The following RYR2 variants were observed in gnomAD, a reference collection of about 807,000 sequenced individuals.
RYR2 encodes cardiac muscle ryanodine receptor-calcium release channel.
Under a neutral mutation model 601.1 loss-of-function variants are expected in RYR2, and 227 were observed. The ratio of observed to expected loss-of-function variants is 0.38; its 90% CI spans 0.34 to 0.42. The LOEUF is 0.42. Among genes scored for constraint, RYR2 ranks in the 10% least tolerant of loss-of-function variants. The pLI, the probability that RYR2 is intolerant of heterozygous loss-of-function variation, is 1.00. For synonymous variants in RYR2, 2,223 were observed against 2,175.1 expected, an observed-to-expected ratio of 1.02 and a Z score of -0.61; for missense variants, 4,646 against 6,156.5, an observed-to-expected ratio of 0.75 and a Z score of 8.21.
chr1:237,731,960 C>A, intron 77 of RYR2, 86 bp from the exon 78 acceptor site: 2 of 767,790 alleles, frequency 2.6e-6, no homozygotes, highest in African/African-American at 1.7e-5. Flanking sequence ...TCCTTTTATT[C>A]TTCATTGCTG....
intron 13 of RYR2, among the ~76,000 whole-genome samples, chr1:237,443,263 A>T (rs111237770): frequency 6.6e-6 from 1 of 150,700 alleles, no homozygotes; most frequent in Non-Finnish European, 1.5e-5. Context: ...CTGTTCTTTC[A>T]TCTGGTCTGC....
rs185653195 is a variant in RYR2 at position 237,392,009 on chromosome 1, T to C, written c.773+3826T>C. Among the ~76,000 whole-genome samples, 5 of 152,260 alleles carry C rather than the reference T, an allele frequency of 3.3e-5. No individual in the cohort carries two copies. The East Asian group carries it at 9.6e-4, about 29-fold the overall frequency. ...GAAAGACAAATCGCTCTAAAATGAC[T>C]AGTAGACAACTTGTCTAAACAACAA... On this transcript the variant is annotated intron_variant, in intron 10 of 104. Transcript: ENST00000366574.
At chr1:237,653,270 A>G (rs1194119388) in intron 51 of RYR2, among the ~76,000 whole-genome samples, 1 of 152,208 alleles carries the variant, frequency 6.6e-6, no homozygotes, top group Non-Finnish European at 1.5e-5. Context: ...CACTTGGAGA[A>G]GTAAGTTTTG....
At chr1:237,709,447 C>T (rs1047576283) in intron 69 of RYR2, 33 bp from the exon 70 acceptor site, 1 of 1,373,264 alleles carries the variant, frequency 7.3e-7, no homozygotes, top group African/African-American at 1.4e-5. Context: ...TAAGGAGTAG[C>T]TGAGAAACCA....
chr1:237,774,280 G>A (rs563995620), intron 87 of RYR2, among the ~76,000 whole-genome samples: 6 of 152,060 alleles, frequency 3.9e-5, no homozygotes, highest in South Asian at 4.2e-4. Flanking sequence ...TATGTTTGAC[G>A]TGCCCCATGC....
chr1:237,242,595 T>C (rs1326910657), intron 1 of RYR2, among the ~76,000 whole-genome samples: 1 of 152,150 alleles, frequency 6.6e-6, no homozygotes, highest in Non-Finnish European at 1.5e-5. Context: ...GGTTTAATAC[T>C]CAGGACGTGA....
intron 1 of RYR2, among the ~76,000 whole-genome samples, chr1:237,130,359 A>C (rs1672028206): frequency 6.6e-6 from 1 of 152,196 alleles, no homozygotes; most frequent in African/African-American, 2.4e-5. Flanking sequence ...TAACTAGGAA[A>C]AGAGTGAACT....
chr1:237,713,420 G>T (rs572550803), intron 71 of RYR2, among the ~76,000 whole-genome samples: 1 of 151,832 alleles, frequency 6.6e-6, no homozygotes, highest in Non-Finnish European at 1.5e-5. Context: ...TTTTTGAGAC[G>T]GAGCCTTGCT....
chr1:237,128,057 G>GAGCC (rs1306791799), intron 1 of RYR2, among the ~76,000 whole-genome samples: 1 of 152,170 alleles, frequency 6.6e-6, no homozygotes, highest in Non-Finnish European at 1.5e-5. Flanking sequence ...AGGTTGTAGC[G>GAGCC]AGCCGAGATC....
rs998625501 is a variant in RYR2, at chr1:237,411,016, A to G, written c.774-6033A>G. 4.6e-5 allele frequency among the ~76,000 whole-genome samples: 7 copies of G among 152,222 alleles called. No homozygotes were observed. The East Asian group carries it at 1.2e-3, about 25-fold the overall frequency. On this transcript the variant is annotated intron_variant, in intron 10 of 104. Transcript: ENST00000366574. ...CCTGTCATTTGCAACAACATGGATG[A>G]ACCTGGAAGACATTATGCTAAGTGA... is the stretch of plus-strand genomic sequence containing the variant.
At chr1:237,501,981 A>AGTTTTGTTTTGTTTTGTTTT (rs755461905) in intron 21 of RYR2, among the ~76,000 whole-genome samples, 2 of 151,994 alleles carry the variant, frequency 1.3e-5, no homozygotes, top group African/African-American at 4.8e-5. Flanking sequence ...TCTCTGCAAA[A>AGTTTTGTTTTGTTTTGTTTT]GTTTTGTTTT....
chr1:237,399,363 A>G (rs2149918598), intron 10 of RYR2, among the ~76,000 whole-genome samples: 1 of 152,310 alleles, frequency 6.6e-6, no homozygotes, highest in Middle Eastern at 3.4e-3. Context: ...ATTATAGGCC[A>G]TCAGATGTTA....
intron 1 of RYR2, among the ~76,000 whole-genome samples, chr1:237,163,854 C>T (rs753203870): frequency 5.9e-5 from 9 of 152,248 alleles, no homozygotes; most frequent in Non-Finnish European, 8.8e-5. Flanking sequence ...AGCTAAGGGA[C>T]CGCCAAGGCG....
At chr1:237,250,115 A>G (rs1286965176) in intron 1 of RYR2, among the ~76,000 whole-genome samples, 1 of 152,216 alleles carries the variant, frequency 6.6e-6, no homozygotes, top group Non-Finnish European at 1.5e-5. Flanking sequence ...GGTAAACTGA[A>G]TGGCAGATTG....
chr1:237,380,409 T>C (rs1053141339), intron 8 of RYR2, among the ~76,000 whole-genome samples: 4 of 39,262 alleles, frequency 1.0e-4, no homozygotes, highest in African/African-American at 3.3e-4. Flanking sequence ...TATATATATA[T>C]ATATATATAT....
At chr1:237,760,190 TAA>T (rs765521468) in intron 83 of RYR2, among the ~76,000 whole-genome samples, 11 of 124,604 alleles carry the variant, frequency 8.8e-5, no homozygotes, top group Admixed American at 8.1e-5. Context: ...ACAAAAAGAT[TAA>T]AAAAAAAAAA....
chr1:237,805,192 T>C (rs1446976263), intron 98 of RYR2, among the ~76,000 whole-genome samples: 1 of 152,198 alleles, frequency 6.6e-6, no homozygotes, highest in Non-Finnish European at 1.5e-5. Flanking sequence ...ACTTTAAAAC[T>C]GTTTTAAAGG....
intron 10 of RYR2, among the ~76,000 whole-genome samples, chr1:237,404,074 C>T (rs563514238): frequency 6.6e-5 from 10 of 152,112 alleles, no homozygotes; most frequent in East Asian, 1.9e-4. Context: ...GGAAACATGG[C>T]GAAACCCCAT....
intron 74 of RYR2, among the ~76,000 whole-genome samples, chr1:237,723,507 C>T (rs1036239263): frequency 1.3e-5 from 2 of 151,894 alleles, no homozygotes; most frequent in Non-Finnish European, 2.9e-5. Flanking sequence ...TGTCTTTTTT[C>T]AAATATTTCT....
Sources: gnomAD v4.1 joint callset for allele counts (sites outside exome capture counted in the v4.1 genomes callset) on GRCh38, gnomAD v4.1.1 for gene constraint, MANE v1.5 for transcripts, NCBI Gene and HGNC (gene_info 2026-07-23, HGNC 2026-07-21) for gene names.